PXDNL: variants seen among roughly 807,000 people sequenced by gnomAD.
The protein encoded by PXDNL is probable oxidoreductase PXDNL.
Under a neutral mutation model 150.8 loss-of-function variants are expected in PXDNL, and 145 were observed. That is an observed-to-expected ratio of 0.96 (90% CI 0.84 to 1.10). The LOEUF (loss-of-function observed/expected upper bound fraction) is 1.10. Ranked by LOEUF, PXDNL falls within the 50% of genes least tolerant of loss-of-function variation. The pLI is 0.00. For missense variants in PXDNL, 2,087 were observed against 1,873.9 expected (o/e 1.11, Z -2.10); for synonymous variants, 757 against 725.7 (o/e 1.04, Z -0.69).
intron 1 of PXDNL, among the ~76,000 whole-genome samples, chr8:51,714,547 A>T (rs953467169): frequency 2.0e-5 from 3 of 152,188 alleles, no homozygotes; most frequent in Non-Finnish European, 4.4e-5. Context: ...AAGTTTAAAT[A>T]TGGAGATTGT....
rs532957297 is a variant in PXDNL at position 51,400,284 on chromosome 8, T to C, written c.3557+7783A>G. 8.5e-5 allele frequency among the ~76,000 whole-genome samples: 13 copies of C among 152,296 alleles called. No homozygotes were observed. The South Asian group carries it at 2.7e-3, about 32-fold the overall frequency. ...GTGGAAGTCTTTTTTCCCTTGAGGA[T>C]GCTTTTGTGCACCTGTTTTAACTGA... On this transcript the variant is annotated intron_variant, in intron 17 of 22. Coordinates refer to ENST00000356297, the MANE Select transcript of PXDNL (RefSeq NM_144651.5).
At chr8:51,771,660 C>G (rs905578867) in intron 1 of PXDNL, among the ~76,000 whole-genome samples, 2 of 151,938 alleles carry the variant, frequency 1.3e-5, no homozygotes, top group African/African-American at 4.8e-5. Flanking sequence ...AAGACAGAAG[C>G]AGGGAAAGTC....
chr8:51,724,662 A>G (rs1220200356), intron 1 of PXDNL, among the ~76,000 whole-genome samples: 1 of 152,180 alleles, frequency 6.6e-6, no homozygotes, highest in Non-Finnish European at 1.5e-5. Flanking sequence ...AAAGTCTACC[A>G]TAGGCAGAGA....
chr8:51,686,938 C>A (rs963525442), intron 1 of PXDNL, among the ~76,000 whole-genome samples: 1 of 151,898 alleles, frequency 6.6e-6, no homozygotes. Flanking sequence ...AGGAAAACAT[C>A]AAAAACTCCA....
At chr8:51,458,892 A>G (rs1395740583) in intron 8 of PXDNL, among the ~76,000 whole-genome samples, 1 of 152,234 alleles carries the variant, frequency 6.6e-6, no homozygotes, top group Non-Finnish European at 1.5e-5. Context: ...AAGGCAGGAA[A>G]GATGAAGACA....
At chr8:51,325,255 G>A (rs1158236860) in intron 21 of PXDNL, among the ~76,000 whole-genome samples, 1 of 152,258 alleles carries the variant, frequency 6.6e-6, no homozygotes, top group African/African-American at 2.4e-5. Context: ...GGATCTTCTT[G>A]GTTCTTGGTA....
chr8:51,489,017 A>T (rs1213768081), intron 5 of PXDNL, among the ~76,000 whole-genome samples: 1 of 152,198 alleles, frequency 6.6e-6, no homozygotes, highest in Non-Finnish European at 1.5e-5. Context: ...ACTCTGATTA[A>T]AAAATGTTTT....
At chr8:51,650,665 T>A (rs1815015493) in intron 2 of PXDNL, among the ~76,000 whole-genome samples, 1 of 152,180 alleles carries the variant, frequency 6.6e-6, no homozygotes, top group Non-Finnish European at 1.5e-5. Context: ...GTTGGTGAAG[T>A]TCAGTGCAAT....
chr8:51,406,567 T>A (rs1382973952), intron 17 of PXDNL, among the ~76,000 whole-genome samples: 1 of 152,176 alleles, frequency 6.6e-6, no homozygotes, highest in African/African-American at 2.4e-5. Context: ...CTCCTGACAC[T>A]CAACCCCATG....
At chr8:51,511,957 C>T (rs373867490) in intron 4 of PXDNL, among the ~76,000 whole-genome samples, 71 of 152,312 alleles carry the variant, frequency 4.7e-4, no homozygotes, top group African/African-American at 1.6e-3. Flanking sequence ...GGCTAAAAGA[C>T]TTCAGTTGAA....
At chr8:51,709,021 A>AGACT (rs1203766520) in intron 1 of PXDNL, among the ~76,000 whole-genome samples, 18 of 152,130 alleles carry the variant, frequency 1.2e-4, no homozygotes, top group Admixed American at 1.2e-3. Flanking sequence ...GAAGACGAGC[A>AGACT]GACTGCTAAG....
intron 17 of PXDNL, among the ~76,000 whole-genome samples, chr8:51,399,682 G>A (rs569662582): frequency 1.3e-5 from 2 of 152,120 alleles, no homozygotes; most frequent in Non-Finnish European, 2.9e-5. Context: ...ATTGTTCAAA[G>A]GCATCAAATT....
intron 12 of PXDNL, chr8:51,436,162 C>A: frequency 1.9e-6 from 1 of 516,828 alleles, no homozygotes; most frequent in South Asian, 1.4e-5. Context: ...ACTCTTAATT[C>A]AGATCTTTAG....
At chr8:51,630,786 G>A (rs759168259) in intron 2 of PXDNL, among the ~76,000 whole-genome samples, 15 of 152,158 alleles carry the variant, frequency 9.9e-5, no homozygotes, top group Admixed American at 2.0e-4. Context: ...AATAACAGAT[G>A]CTGGCAAGGT....
At chr8:51,505,339 CGCTGGT>C (rs1811262895) in intron 4 of PXDNL, among the ~76,000 whole-genome samples, 1 of 63,020 alleles carries the variant, frequency 1.6e-5, no homozygotes. Flanking sequence ...TTGCTGGTAT[CGCTGGT>C]ATCGCTTTAG....
chr8:51,758,898 C>T lies in PXDNL; in HGVS notation c.164+50283G>A, dbSNP rs183848749. Among the ~76,000 whole-genome samples, 595 of 152,278 alleles carry T rather than the reference C, an allele frequency of 3.9e-3. 3 individuals carry two copies. The highest frequency in any genetic ancestry group is 7.0e-3 in the Non-Finnish European group (476 of 68,030). ...ACAAATTTCCACAGCTCTAATCCTCCCTGAGCAACAAAGCAGTGACTCTCT... is the reference window on the plus strand; with the variant it reads ...ACAAATTTCCACAGCTCTAATCCTCTCTGAGCAACAAAGCAGTGACTCTCT... On this transcript the variant is annotated intron_variant, in intron 1 of 22. Coordinates refer to ENST00000356297, the MANE Select transcript of PXDNL (RefSeq NM_144651.5).
At chr8:51,683,322 A>C (rs2130850619) in intron 1 of PXDNL, among the ~76,000 whole-genome samples, 1 of 150,544 alleles carries the variant, frequency 6.6e-6, no homozygotes, top group South Asian at 2.1e-4. Flanking sequence ...CCTAATGATT[A>C]GTGACATTAA....
intron 1 of PXDNL, among the ~76,000 whole-genome samples, chr8:51,714,100 T>C (rs1205172029): frequency 6.6e-6 from 1 of 152,230 alleles, no homozygotes; most frequent in Non-Finnish European, 1.5e-5. Context: ...AACTCCTTTC[T>C]AAGATTAGAA....
intron 1 of PXDNL, among the ~76,000 whole-genome samples, chr8:51,686,975 A>G (rs1164923238): frequency 6.6e-6 from 1 of 152,148 alleles, no homozygotes; most frequent in Non-Finnish European, 1.5e-5. Flanking sequence ...AGATTAATAA[A>G]GGGACATTTT....
Sources: allele counts gnomAD v4.1 joint callset (sites outside exome capture counted in the v4.1 genomes callset), GRCh38; gene constraint gnomAD v4.1.1; transcripts MANE v1.5; gene names NCBI Gene and HGNC (gene_info 2026-07-23, HGNC 2026-07-21).